Variants in ECE1 observed in about 807,000 individuals in gnomAD.
The protein encoded by ECE1 is endothelin-converting enzyme 1.
Under a neutral mutation model 98.6 loss-of-function variants are expected in ECE1, and 35 were observed. The observed-to-expected ratio is 0.35, with a 90% CI of 0.27 to 0.47. ECE1 has a LOEUF of 0.47. ECE1 is among the 20% of genes least tolerant of loss of function. The probability of loss-of-function intolerance (pLI) is 1.00; values close to 1 mark genes in which losing one functional copy is unlikely to be tolerated. For missense variants in ECE1, 814 were observed against 1,025.3 expected (o/e 0.79, Z 2.81); for synonymous variants, 394 against 407.1 (o/e 0.97, Z 0.39).
intron 1 of ECE1, among the ~76,000 whole-genome samples, chr1:21,338,368 C>T (rs544609054): frequency 5.3e-5 from 8 of 152,306 alleles, no homozygotes; most frequent in Admixed American, 5.2e-4. Flanking sequence ...TTTAATCAAA[C>T]CTTATCCTGT....
intron 1 of ECE1, among the ~76,000 whole-genome samples, chr1:21,330,796 G>GA: frequency 6.6e-6 from 1 of 152,196 alleles, no homozygotes; most frequent in African/African-American, 2.4e-5. Context: ...CCCCTTCCTT[G>GA]AAGGTCCCTA....
At chr1:21,312,836 A>C (rs1050559899) in intron 1 of ECE1, among the ~76,000 whole-genome samples, 34 of 152,196 alleles carry the variant, frequency 2.2e-4, no homozygotes, top group Non-Finnish European at 4.1e-4. Context: ...CATTAAAAAA[A>C]CAAAGCTAAT....
chr1:21,267,716 A>G (rs891310394), intron 4 of ECE1, among the ~76,000 whole-genome samples: 12 of 152,152 alleles, frequency 7.9e-5, no homozygotes, highest in African/African-American at 2.4e-4. Flanking sequence ...GGAAGGCAGC[A>G]CCCACTCCTG....
intron 2 of ECE1, among the ~76,000 whole-genome samples, chr1:21,289,707 C>A (rs551841354): frequency 2.0e-5 from 3 of 152,002 alleles, no homozygotes; most frequent in East Asian, 3.9e-4. Flanking sequence ...TAGACTCTGC[C>A]GGTAAAGGGC....
chr1:21,255,938 T>C lies in ECE1; in HGVS notation c.1020+9A>G. On this transcript the variant is annotated intron_variant, in intron 8 of 18. Transcript: ENST00000374893. ...TCCCAGCCTCCCTAGCAGCCGGCGC[T>C]CAAGTTACCTGCAGCTCGGCTGCCG... The C allele has an allele frequency of 6.2e-7, 1 of 1,613,898 alleles. No individual in the cohort carries two copies. The highest frequency in any genetic ancestry group is 1.3e-5 in the African/African-American group (1 of 75,062).
chr1:21,252,845 T>A (rs539434399), intron 8 of ECE1, among the ~76,000 whole-genome samples: 2 of 152,184 alleles, frequency 1.3e-5, no homozygotes, highest in African/African-American at 2.4e-5. Flanking sequence ...CTGGGTGACA[T>A]CGCTAATAAC....
intron 1 of ECE1, among the ~76,000 whole-genome samples, chr1:21,321,766 C>T (rs1192004145): frequency 6.6e-6 from 1 of 152,186 alleles, no homozygotes; most frequent in African/African-American, 2.4e-5. Context: ...GAGGCACGTG[C>T]CACCACACCC....
At position 21,219,950 on chromosome 1, in the gene ECE1, C is replaced by A. The variant is rs2098165274; in HGVS notation, c.*5G>T. The A allele has an allele frequency of 6.2e-7, 1 of 1,614,198 alleles. No individual in the cohort carries two copies. Among genetic ancestry groups the A allele is most frequent in the South Asian group, 1.1e-5 (1 of 91,086 alleles). On this transcript the variant is annotated 3_prime_UTR_variant, in exon 19 of 19. Transcript: ENST00000374893. This position sits in a 1 kb window ranked among gnomAD's most constrained non-coding sequence, Gnocchi z 4.5. ...TCCTCCGTCTTGGCTCTCTCCGCTT[C>A]GTCCTTACCAGACTTCGCACTTGTG... is the stretch of plus-strand genomic sequence containing the variant.
At chr1:21,262,612 G>A (rs2098228496) in intron 4 of ECE1, among the ~76,000 whole-genome samples, 1 of 152,178 alleles carries the variant, frequency 6.6e-6, no homozygotes, top group African/African-American at 2.4e-5. Context: ...CCTCCCCCAA[G>A]GCCACAAAGA....
At chr1:21,246,014 T>C (rs1288615974) in intron 9 of ECE1, among the ~76,000 whole-genome samples, 1 of 152,058 alleles carries the variant, frequency 6.6e-6, no homozygotes, top group Admixed American at 6.6e-5. Flanking sequence ...CCTGTAATCT[T>C]AGCATTTTGA....
chr1:21,257,872 C>T (rs1037990276), intron 6 of ECE1, among the ~76,000 whole-genome samples: 5 of 152,238 alleles, frequency 3.3e-5, no homozygotes, highest in Admixed American at 3.3e-4. Context: ...CGGCAAAGTG[C>T]CTCTATCTCC....
intron 1 of ECE1, among the ~76,000 whole-genome samples, chr1:21,295,597 T>C (rs1638333955): frequency 6.6e-6 from 1 of 152,354 alleles, no homozygotes; most frequent in South Asian, 2.1e-4. Context: ...GTATCTCTTT[T>C]TTCTTTGGCT....
At chr1:21,336,353 C>T (rs887804807) in intron 1 of ECE1, among the ~76,000 whole-genome samples, 3 of 152,114 alleles carry the variant, frequency 2.0e-5, no homozygotes, top group South Asian at 4.1e-4. Flanking sequence ...TGTACTCCAG[C>T]CTGGGTGACA....
chr1:21,299,363 T>A (rs758410226), intron 1 of ECE1: 2 of 157,704 alleles, frequency 1.3e-5, no homozygotes, highest in Non-Finnish European at 2.8e-5. Context: ...TGTACTGTTA[T>A]CTCTCTTCTA....
intron 1 of ECE1, among the ~76,000 whole-genome samples, chr1:21,330,564 C>T (rs144922438): frequency 2.0e-4 from 31 of 152,146 alleles, no homozygotes; most frequent in Middle Eastern, 3.4e-3. Context: ...AATTTACCTG[C>T]TAATTTATCT....
At chr1:21,247,504 G>T in intron 8 of ECE1, 141 bp from the exon 9 acceptor site, 1 of 1,235,052 alleles carries the variant, frequency 8.1e-7, no homozygotes, top group Non-Finnish European at 1.2e-6. Context: ...AGAGTCAAGC[G>T]GAGCCTGGCG....
At chr1:21,298,710 T>G (rs1638422908) in intron 1 of ECE1, 9 of 455,856 alleles carry the variant, frequency 2.0e-5, no homozygotes, top group Non-Finnish European at 4.0e-5. Context: ...TAACTCACCC[T>G]AAGTCACACA....
chr1:21,310,175 C>T (rs954239536), intron 1 of ECE1, among the ~76,000 whole-genome samples: 3 of 152,142 alleles, frequency 2.0e-5, no homozygotes, highest in Non-Finnish European at 2.9e-5. Context: ...AGGCAGGAGA[C>T]GATCCAGGAG....
intron 4 of ECE1, among the ~76,000 whole-genome samples, chr1:21,265,497 A>C (rs1393831208): frequency 6.6e-6 from 1 of 152,166 alleles, no homozygotes; most frequent in Non-Finnish European, 1.5e-5. Context: ...GCGCCACTGT[A>C]CTCCAGCCTG....
Sources: allele counts gnomAD v4.1 joint callset (sites outside exome capture counted in the v4.1 genomes callset), GRCh38; gene constraint gnomAD v4.1.1; non-coding constraint Gnocchi (gnomAD v3.1); transcripts MANE v1.5; gene names NCBI Gene and HGNC (gene_info 2026-07-23, HGNC 2026-07-21).